The following ATG7 variants were observed in gnomAD, a reference collection of about 807,000 sequenced individuals.
ATG7 encodes the protein autophagy related 7.
In ATG7, 70 loss-of-function variants were observed where a neutral mutation model predicts 82.4. That is an observed-to-expected ratio of 0.85 (90% CI 0.70 to 1.04). ATG7 has a LOEUF of 1.04. Ranked by LOEUF, ATG7 falls within the 50% of genes least tolerant of loss-of-function variation. The pLI, the probability that ATG7 is intolerant of heterozygous loss-of-function variation, is 0.00. For synonymous variants in ATG7, 287 were observed against 313.0 expected (o/e 0.92, Z 0.88); for missense variants, 792 against 864.3 (o/e 0.92, Z 1.05).
chr3:11,377,666 G>A (rs2077523959), intron 18 of ATG7, among the ~76,000 whole-genome samples: 1 of 152,176 alleles, frequency 6.6e-6, no homozygotes, highest in African/African-American at 2.4e-5. Context: ...CACATGACTT[G>A]TAGGCTGTGT....
intron 11 of ATG7, among the ~76,000 whole-genome samples, 156 bp from the exon 12 acceptor site, chr3:11,340,489 C>T (rs1324332084): frequency 3.3e-5 from 5 of 152,104 alleles, no homozygotes. Flanking sequence ...TGTGGAAATT[C>T]AGGCCCTCAA....
Position 11,477,057 on chromosome 3 carries a change from A to G in ATG7, c.2079+50131A>G, listed in dbSNP as rs1293309291. ...TGTTATGCACAATGGGCACTTGATT[A>G]TAATTATTTAACTGGCAATCAGTTA... On this transcript the variant is annotated intron_variant, in intron 20 of 20. Coordinates refer to ENST00000693202, the MANE Select transcript of ATG7 (RefSeq NM_001349232.2). 5 of 1,260,008 alleles carry G rather than the reference A, an allele frequency of 4.0e-6. No individual in the cohort carries two copies. The African/African-American group carries it at 7.7e-5, about 19-fold the overall frequency. The allele number at this position is 1,260,008 out of a possible 1,614,324, so 78.1% of individuals were successfully genotyped here.
chr3:11,519,991 C>T (rs2092400257), intron 20 of ATG7, among the ~76,000 whole-genome samples: 1 of 152,118 alleles, frequency 6.6e-6, no homozygotes, highest in Non-Finnish European at 1.5e-5. Flanking sequence ...GCTTTGGGGC[C>T]ACCTTCATAC....
chr3:11,370,522 C>A (rs553575701), intron 18 of ATG7, among the ~76,000 whole-genome samples: 22 of 151,338 alleles, frequency 1.5e-4, no homozygotes, highest in Non-Finnish European at 2.8e-4. Context: ...TTTATGCGAA[C>A]TCCAAGCTTT....
At chr3:11,464,615 T>G (rs571337825) in intron 20 of ATG7, among the ~76,000 whole-genome samples, 2 of 152,228 alleles carry the variant, frequency 1.3e-5, no homozygotes, top group Non-Finnish European at 2.9e-5. Context: ...GATGGACTTG[T>G]TGTTTTAATT....
chr3:11,568,719 C>T, the ATG7 span: 31 of 1,545,242 alleles, frequency 2.0e-5, no homozygotes, highest in South Asian at 1.9e-4. The surrounding 1 kb of genome is among the most constrained non-coding windows in gnomAD (Gnocchi z 5.9). Flanking sequence ...CATGTGCTCC[C>T]GGGGACGGCA....
At chr3:11,442,739 C>CAAAAAAAAA (rs57073881) in intron 20 of ATG7, among the ~76,000 whole-genome samples, 8 of 69,250 alleles carry the variant, frequency 1.2e-4, no homozygotes, top group East Asian at 5.1e-4. Context: ...TCCATCTCTA[C>CAAAAAAAAA]AAAAAAAAAA....
intron 20 of ATG7, among the ~76,000 whole-genome samples, chr3:11,443,030 A>G (rs936135796): frequency 6.6e-6 from 1 of 152,232 alleles, no homozygotes; most frequent in Admixed American, 6.5e-5. Flanking sequence ...AGTGTGAAAC[A>G]GTGGCAACTG....
intron 20 of ATG7, among the ~76,000 whole-genome samples, chr3:11,484,812 C>T (rs6806306): frequency 5.2e-4 from 79 of 151,764 alleles, no homozygotes; most frequent in Middle Eastern, 3.4e-3. Flanking sequence ...TTTGTTCTTG[C>T]GATAGTTTAC....
chr3:11,443,034 G>A (rs112973172), intron 20 of ATG7, among the ~76,000 whole-genome samples: 3,677 of 152,270 alleles, frequency 0.024, 55 homozygotes, highest in Non-Finnish European at 0.039. Context: ...TGAAACAGTG[G>A]CAACTGCTTG....
At chr3:11,544,630 C>G (rs1274420226) in intron 20 of ATG7, among the ~76,000 whole-genome samples, 1 of 152,240 alleles carries the variant, frequency 6.6e-6, no homozygotes, top group Admixed American at 6.5e-5. Context: ...CCCGCCCACC[C>G]CTGTCCTTCT....
At chr3:11,455,614 T>C (rs1388437278) in intron 20 of ATG7, among the ~76,000 whole-genome samples, 2 of 152,222 alleles carry the variant, frequency 1.3e-5, no homozygotes, top group Non-Finnish European at 2.9e-5. Flanking sequence ...TATTGTTCCT[T>C]GTTGGCCTGA....
At chr3:11,534,941 C>A (rs1049793037) in intron 20 of ATG7, among the ~76,000 whole-genome samples, 1 of 152,254 alleles carries the variant, frequency 6.6e-6, no homozygotes, top group African/African-American at 2.4e-5. Flanking sequence ...TTTGTGACTT[C>A]CTGGCAGAAG....
chr3:11,316,014 C>T (rs1460234366), intron 9 of ATG7, among the ~76,000 whole-genome samples: 1 of 152,148 alleles, frequency 6.6e-6, no homozygotes, highest in Non-Finnish European at 1.5e-5. Context: ...CCACTGTGCC[C>T]AGCCAATACC....
At chr3:11,286,946 T>C (rs1208888421) in intron 3 of ATG7, among the ~76,000 whole-genome samples, 1 of 151,236 alleles carries the variant, frequency 6.6e-6, no homozygotes, top group African/African-American at 2.4e-5. Context: ...AATTAATTTT[T>C]TCTAGAAATG....
At chr3:11,315,294 A>T (rs1949242498) in intron 8 of ATG7, 50 bp from the exon 9 acceptor site, 1 of 1,448,544 alleles carries the variant, frequency 6.9e-7, no homozygotes, top group African/African-American at 1.4e-5. Context: ...TTTAGCCCAG[A>T]ACTAGAAATG....
chr3:11,525,556 CT>C (rs58430409), intron 20 of ATG7, among the ~76,000 whole-genome samples: 4,824 of 123,598 alleles, frequency 0.039, 300 homozygotes, highest in African/African-American at 0.13. Context: ...TAGTTATAGC[CT>C]TTTTTTTTTT....
At chr3:11,349,565 T>C (rs143840548) in intron 14 of ATG7, among the ~76,000 whole-genome samples, 2 of 152,124 alleles carry the variant, frequency 1.3e-5, no homozygotes, top group East Asian at 3.9e-4. Flanking sequence ...TAATAAATAA[T>C]CCATCTCACA....
intron 20 of ATG7, among the ~76,000 whole-genome samples, chr3:11,527,357 C>A (rs1286382210): frequency 6.6e-6 from 1 of 152,088 alleles, no homozygotes; most frequent in Non-Finnish European, 1.5e-5. Context: ...CCTTGGCCTC[C>A]CAAAGTGCTG....
Sources: allele counts gnomAD v4.1 joint callset (sites outside exome capture counted in the v4.1 genomes callset), GRCh38; gene constraint gnomAD v4.1.1; non-coding constraint Gnocchi (gnomAD v3.1); transcripts MANE v1.5; gene names NCBI Gene and HGNC (gene_info 2026-07-23, HGNC 2026-07-21).